AEN: variants seen among roughly 807,000 people sequenced by gnomAD.
AEN encodes apoptosis enhancing nuclease.
AEN carries 21 observed loss-of-function variants against 17.7 expected under a neutral mutation model. The ratio of observed to expected loss-of-function variants is 1.19; its 90% CI spans 0.84 to 1.71. AEN has a LOEUF of 1.71. AEN is among the 40% of genes most tolerant of loss of function. AEN has a pLI of 0.00. For synonymous variants in AEN, 190 were observed against 173.0 expected (o/e 1.10, Z -0.77); for missense variants, 462 against 435.9 (o/e 1.06, Z -0.53).
chr15:88,608,435 T>C, the AEN span, among the ~76,000 whole-genome samples: 1 of 152,222 alleles, frequency 6.6e-6, no homozygotes, highest in Admixed American at 6.5e-5. Flanking sequence ...TGATCATCTT[T>C]CCAAGTCAGT....
upstream of AEN, among the ~76,000 whole-genome samples, chr15:88,616,779 A>G (rs2057742220): frequency 6.6e-6 from 1 of 152,230 alleles, no homozygotes; most frequent in South Asian, 2.1e-4. Flanking sequence ...TTTTCAGTAC[A>G]GTCGTGAATA....
chr15:88,628,181 T>C (rs1011407434), intron 2 of AEN: 8 of 152,192 alleles, frequency 5.3e-5, no homozygotes, highest in African/African-American at 1.9e-4. Context: ...CGAGCCACTG[T>C]GGGTTGTGCT....
upstream of AEN, among the ~76,000 whole-genome samples, chr15:88,619,321 C>G (rs1213522990): frequency 6.6e-6 from 1 of 152,184 alleles, no homozygotes; most frequent in African/African-American, 2.4e-5. Context: ...GAGAGGGAAG[C>G]TGAACCCCAA....
the AEN span, among the ~76,000 whole-genome samples, chr15:88,606,842 C>G: frequency 4.6e-5 from 7 of 152,228 alleles, no homozygotes; most frequent in Non-Finnish European, 8.8e-5. Context: ...TCCCCTCCCC[C>G]CTCCACCCCA....
chr15:88,610,522 T>C, the AEN span, among the ~76,000 whole-genome samples: 2 of 152,044 alleles, frequency 1.3e-5, no homozygotes, highest in African/African-American at 4.8e-5. Context: ...TCTTGGTTTT[T>C]CTCAGACCCA....
chr15:88,612,571 T>TTTTATTTATTTATTTA, the AEN span, among the ~76,000 whole-genome samples: 1 of 140,454 alleles, frequency 7.1e-6, no homozygotes, highest in Non-Finnish European at 1.5e-5. Context: ...TTTCCCAGCC[T>TTTTATTTATTTATTTA]TTTATTTATT....
intron 1 of AEN, among the ~76,000 whole-genome samples, chr15:88,623,443 A>G: frequency 6.6e-6 from 1 of 152,094 alleles, no homozygotes; most frequent in South Asian, 2.1e-4. Context: ...GCTACTGCTC[A>G]GGTTTTCATC....
intron 1 of AEN, among the ~76,000 whole-genome samples, chr15:88,624,309 G>C (rs1407896388): frequency 6.6e-6 from 1 of 152,152 alleles, no homozygotes; most frequent in Non-Finnish European, 1.5e-5. Context: ...AGCTGAGTCT[G>C]AAAGAGCAGG....
the AEN span, among the ~76,000 whole-genome samples, chr15:88,606,476 G>A: frequency 6.8e-4 from 104 of 152,310 alleles, no homozygotes; most frequent in Middle Eastern, 3.4e-3. Context: ...TGGCCAAGAA[G>A]GGGAAAGATA....
At chr15:88,624,894 A>G (rs1206932917) in intron 1 of AEN, among the ~76,000 whole-genome samples, 1 of 152,184 alleles carries the variant, frequency 6.6e-6, no homozygotes, top group African/African-American at 2.4e-5. Flanking sequence ...AAAAAATGCC[A>G]AGTTAAACCC....
upstream of AEN, among the ~76,000 whole-genome samples, chr15:88,619,194 G>A (rs79820624): frequency 1.9e-3 from 296 of 152,308 alleles, 1 homozygote; most frequent in African/African-American, 6.8e-3. Context: ...ATTTAGAATT[G>A]CCCTATTGTT....
chr15:88,615,744 T>TGCTGG, the AEN span, among the ~76,000 whole-genome samples: 1 of 152,172 alleles, frequency 6.6e-6, no homozygotes, highest in Admixed American at 6.5e-5. Context: ...ATGCCCATGC[T>TGCTGG]GCTGGGCTAG....
At chr15:88,625,114 A>G (rs926840114) in intron 1 of AEN, among the ~76,000 whole-genome samples, 3 of 152,364 alleles carry the variant, frequency 2.0e-5, no homozygotes, top group African/African-American at 7.2e-5. Flanking sequence ...ACGAGGGCTT[A>G]AAGTCCGCTG....
chr15:88,616,668 T>G (rs2141361877), upstream of AEN, among the ~76,000 whole-genome samples: 1 of 152,374 alleles, frequency 6.6e-6, no homozygotes, highest in East Asian at 1.9e-4. Flanking sequence ...GTCCCTGACC[T>G]ACAATGGCTC....
At chr15:88,609,019 A>G in the AEN span, among the ~76,000 whole-genome samples, 1 of 152,242 alleles carries the variant, frequency 6.6e-6, no homozygotes, top group South Asian at 2.1e-4. Context: ...CTTTCAGGAC[A>G]GAAACTCTCT....
the AEN span, chr15:88,608,120 G>T: frequency 3.7e-4 from 195 of 531,128 alleles, 1 homozygote; most frequent in South Asian, 2.6e-3. Context: ...TGGAAAGGAA[G>T]AAGCATTCTT....
intron 2 of AEN, chr15:88,628,942 A>G (rs1481559377): frequency 3.5e-5 from 13 of 373,200 alleles, no homozygotes; most frequent in Non-Finnish European, 5.9e-5. Context: ...ACTTCCATCC[A>G]TGACCTCGTT....
At chr15:88,619,195 C>T (rs1413442592), upstream of AEN, among the ~76,000 whole-genome samples, 1 of 152,168 alleles carries the variant, frequency 6.6e-6, no homozygotes, top group Admixed American at 6.5e-5. Context: ...TTTAGAATTG[C>T]CCTATTGTTT....
At chr15:88,605,259 C>G in the AEN span, 1 of 152,254 alleles carries the variant, frequency 6.6e-6, no homozygotes, top group Non-Finnish European at 1.5e-5. The surrounding 1 kb of genome is among the most constrained non-coding windows in gnomAD (Gnocchi z 7.6). Flanking sequence ...GTTTGTTTCG[C>G]TCGGTCCCGC....
Sources: allele counts gnomAD v4.1 joint callset (sites outside exome capture counted in the v4.1 genomes callset), GRCh38; gene constraint gnomAD v4.1.1; non-coding constraint Gnocchi (gnomAD v3.1); transcripts MANE v1.5; gene names NCBI Gene and HGNC (gene_info 2026-07-23, HGNC 2026-07-21).